HAUS6: variants seen among roughly 807,000 people sequenced by gnomAD.
The protein encoded by HAUS6 is HAUS augmin-like complex subunit 6.
Under a neutral mutation model 106.8 loss-of-function variants are expected in HAUS6, and 80 were observed. The observed-to-expected ratio is 0.75, with a 90% confidence interval of 0.63 to 0.90. HAUS6 has a LOEUF of 0.90. Among genes scored for constraint, HAUS6 ranks in the 40% least tolerant of loss-of-function variants. HAUS6 has a pLI of 0.00. For missense variants in HAUS6, 1,155 were observed against 1,118.1 expected, an observed-to-expected ratio of 1.03 and a Z score of -0.47; for synonymous variants, 356 against 379.1, an observed-to-expected ratio of 0.94 and a Z score of 0.71.
At chr9:19,071,218 G>A (rs1217668439) in intron 11 of HAUS6, among the ~76,000 whole-genome samples, 1 of 152,102 alleles carries the variant, frequency 6.6e-6, no homozygotes, top group East Asian at 1.9e-4. Context: ...AGACAGACAG[G>A]TCAAAAAGCA....
chr9:19,067,866 G>A (rs778583279), intron 12 of HAUS6, among the ~76,000 whole-genome samples: 8 of 151,790 alleles, frequency 5.3e-5, no homozygotes, highest in African/African-American at 2.4e-5. Flanking sequence ...CTAATTTTTT[G>A]TATTTTAAGT....
At chr9:19,070,962 C>T (rs1341824119) in intron 11 of HAUS6, among the ~76,000 whole-genome samples, 1 of 152,198 alleles carries the variant, frequency 6.6e-6, no homozygotes, top group East Asian at 1.9e-4. Context: ...GCACAGGGTA[C>T]ATCCAGTGGA....
intron 3 of HAUS6, 109 bp from the exon 4 acceptor site, chr9:19,093,412 C>T: frequency 1.0e-6 from 1 of 972,596 alleles, no homozygotes; most frequent in South Asian, 1.5e-5. Context: ...ATAGAAGTCC[C>T]ACATTTTCAT....
chr9:19,076,202 A>AC (rs1837000829), intron 11 of HAUS6, among the ~76,000 whole-genome samples: 1 of 151,878 alleles, frequency 6.6e-6, no homozygotes, highest in Non-Finnish European at 1.5e-5. Flanking sequence ...TCTACAAAAA[A>AC]AAAAAAATAT....
chr9:19,100,176 A>C (rs1445073011), intron 1 of HAUS6, among the ~76,000 whole-genome samples: 1 of 152,196 alleles, frequency 6.6e-6, no homozygotes. Context: ...CCTGGGCGAC[A>C]GAGCAAGACT....
At chr9:19,064,209 C>A (rs1019728262) in intron 12 of HAUS6, among the ~76,000 whole-genome samples, 2 of 152,110 alleles carry the variant, frequency 1.3e-5, no homozygotes, top group Non-Finnish European at 2.9e-5. Context: ...TCAGGTGATC[C>A]GCCCACCTTG....
intron 1 of HAUS6, among the ~76,000 whole-genome samples, chr9:19,099,250 T>C (rs1306225625): frequency 6.6e-6 from 1 of 150,782 alleles, no homozygotes; most frequent in Non-Finnish European, 1.5e-5. Flanking sequence ...CACTGCAAGC[T>C]CTGCCTCCTG....
Position 19,089,431 on chromosome 9 carries a change from T to C in HAUS6, c.565A>G (p.Lys189Glu). 1 of 1,609,508 alleles carries C rather than the reference T, an allele frequency of 6.2e-7. No homozygotes were observed. Among genetic ancestry groups the C allele is most frequent in the South Asian group, 1.1e-5 (1 of 90,962 alleles). Residue 189 changes from lysine (K) to glutamate (E), a missense_variant, in exon 5 of 17, where the codon AAA (lysine) becomes GAA (glutamate). Coordinates refer to ENST00000380502, the MANE Select transcript of HAUS6 (RefSeq NM_017645.5). ...ILQRQDCVTQ[K>E]YQENAQLSVK... ...ACTTACTGTGCATTTTCCTGATATT[T>C]TTGGGTAACACAATCTTGTCTTTGC...
intron 2 of HAUS6, among the ~76,000 whole-genome samples, chr9:19,094,633 A>G (rs1251301964): frequency 6.6e-6 from 1 of 152,152 alleles, no homozygotes; most frequent in African/African-American, 2.4e-5. Flanking sequence ...CTCTATTAAA[A>G]ATATAAAAAT....
intron 1 of HAUS6, among the ~76,000 whole-genome samples, chr9:19,097,977 T>C (rs184490471): frequency 6.8e-4 from 103 of 152,346 alleles, no homozygotes; most frequent in African/African-American, 2.3e-3. Flanking sequence ...CTTTTGTCCT[T>C]AGAACATCTC....
chr9:19,087,249 A>G, intron 5 of HAUS6, 93 bp from the exon 6 acceptor site: 1 of 775,472 alleles, frequency 1.3e-6, no homozygotes, highest in African/African-American at 1.7e-5. Flanking sequence ...ATCCTTGTTT[A>G]AGGCCTCTGG....
At chr9:19,095,542 C>T (rs749292305) in intron 2 of HAUS6, among the ~76,000 whole-genome samples, 7 of 149,542 alleles carry the variant, frequency 4.7e-5, no homozygotes, top group Non-Finnish European at 8.9e-5. Flanking sequence ...TTTATTTGGA[C>T]AGAAGAAACC....
intron 5 of HAUS6, 68 bp from the exon 6 acceptor site, chr9:19,087,224 A>G: frequency 1.1e-6 from 1 of 897,226 alleles, no homozygotes; most frequent in Non-Finnish European, 1.9e-6. Context: ...CCACTTCTCT[A>G]TTTTCCCTTT....
rs758699365 is a variant in HAUS6 at position 19,102,794 on chromosome 9, G to C, written c.-143C>G. Reference sequence around the variant, plus strand: ...CGCCTGCTCCTTTCACGCCCAGAGCGATTTCGCCTCAAAGGGCCTCACAAC... The same window carrying C: ...CGCCTGCTCCTTTCACGCCCAGAGCCATTTCGCCTCAAAGGGCCTCACAAC... On this transcript the variant is annotated 5_prime_UTR_variant, in exon 1 of 17. It adds an upstream start codon to the 5' untranslated region. Coordinates refer to ENST00000380502, the MANE Select transcript of HAUS6 (RefSeq NM_017645.5). 2.0e-5 allele frequency: 15 copies of C among 761,266 alleles called. No homozygotes were observed. The East Asian group carries it at 2.1e-4, about 11-fold the overall frequency. 47.2% of individuals were successfully genotyped at this position (761,266 alleles called of 1,614,324 possible).
intron 11 of HAUS6, among the ~76,000 whole-genome samples, chr9:19,075,958 C>A (rs1490549412): frequency 2.1e-5 from 3 of 143,640 alleles, no homozygotes; most frequent in African/African-American, 5.2e-5. Context: ...GACTCCATCT[C>A]GGAAAAAAAA....
chr9:19,063,248 A>G lies in HAUS6; in HGVS notation c.1444-55T>C, dbSNP rs1285587502. 9.0e-5 allele frequency: 105 copies of G among 1,169,268 alleles called. 1 individual carries two copies. Among genetic ancestry groups the G allele is most frequent in the Non-Finnish European group, 1.2e-4 (99 of 819,852 alleles). The allele number at this position is 1,169,268 out of a possible 1,614,324, so 72.4% of individuals were successfully genotyped here. A position where few individuals can be genotyped will look rare whatever the true frequency, so the allele number is the denominator to read the frequency against. On this transcript the variant is annotated intron_variant, in intron 13 of 16. Transcript: ENST00000380502. ...CCTTAATAATCATGGCTGATCCTGAAGCTGTCTTCATTAGCAGTTCACTGG... is the reference window on the plus strand; with the variant it reads ...CCTTAATAATCATGGCTGATCCTGAGGCTGTCTTCATTAGCAGTTCACTGG...
intron 16 of HAUS6, chr9:19,057,277 T>C (rs1192370077): frequency 2.0e-5 from 3 of 152,388 alleles, no homozygotes; most frequent in Non-Finnish European, 4.4e-5. Context: ...GACTGTGTCC[T>C]TATAAGACAA....
chr9:19,081,319 T>C (rs1837144416), intron 8 of HAUS6, among the ~76,000 whole-genome samples: 1 of 152,200 alleles, frequency 6.6e-6, no homozygotes, highest in African/African-American at 2.4e-5. Context: ...AAATTCATTT[T>C]TTAACAGAAG....
At chr9:19,080,770 T>C (rs1168842898) in intron 8 of HAUS6, 98 bp from the exon 9 acceptor site, 10 of 719,816 alleles carry the variant, frequency 1.4e-5, no homozygotes, top group Admixed American at 5.7e-5. Context: ...AAAGTTTACC[T>C]TAAAGAAGAG....
Sources: allele counts gnomAD v4.1 joint callset (sites outside exome capture counted in the v4.1 genomes callset), GRCh38; gene constraint gnomAD v4.1.1; transcripts MANE v1.5; gene names NCBI Gene and HGNC (gene_info 2026-07-23, HGNC 2026-07-21).